Variants in SVOP observed in about 807,000 individuals in gnomAD.
SVOP encodes SV2 related protein, also known as synaptic vesicle 2-related protein.
Under a neutral mutation model 69.1 loss-of-function variants are expected in SVOP, and 17 were observed. That is an observed-to-expected ratio of 0.25 (90% confidence interval 0.17 to 0.37). The LOEUF (loss-of-function observed/expected upper bound fraction) is 0.37, where lower values mean the gene tolerates loss of function less well. Ranked by LOEUF, SVOP falls within the 10% of genes least tolerant of loss-of-function variation. The pLI is 1.00. For synonymous variants in SVOP, 238 were observed against 238.6 expected (o/e 1.00, Z 0.02); for missense variants, 435 against 597.5 (o/e 0.73, Z 2.84).
chr12:108,956,423 G>A (rs535437092), intron 6 of SVOP, among the ~76,000 whole-genome samples: 3 of 152,108 alleles, frequency 2.0e-5, no homozygotes, highest in South Asian at 4.2e-4. Context: ...GGGGGTGGGC[G>A]CTCTAGCAGG....
chr12:108,948,699 G>GT (rs1383732925), intron 6 of SVOP, among the ~76,000 whole-genome samples: 1 of 152,144 alleles, frequency 6.6e-6, no homozygotes, highest in Non-Finnish European at 1.5e-5. Flanking sequence ...GGGTATGCCT[G>GT]TTTTTATGAT....
chr12:108,981,192 G>A (rs2040133535), intron 2 of SVOP, among the ~76,000 whole-genome samples: 1 of 152,196 alleles, frequency 6.6e-6, no homozygotes, highest in Non-Finnish European at 1.5e-5. Flanking sequence ...GCAAGGCACT[G>A]TGCCGAAAGC....
At chr12:108,913,057 C>CT (rs980596885) in intron 15 of SVOP, among the ~76,000 whole-genome samples, 61 of 150,738 alleles carry the variant, frequency 4.0e-4, no homozygotes, top group Admixed American at 2.2e-3. Flanking sequence ...CTCAAGTATT[C>CT]TTTTTTTTGT....
chr12:108,939,048 T>C (rs1020580191), intron 8 of SVOP, 93 bp from the exon 9 acceptor site: 146 of 1,566,840 alleles, frequency 9.3e-5, no homozygotes, highest in Middle Eastern at 2.0e-4. Context: ...GTGGGGTCTT[T>C]AAGAGTGGGG....
chr12:108,922,298 G>A (rs1171993316), intron 12 of SVOP, among the ~76,000 whole-genome samples: 1 of 152,168 alleles, frequency 6.6e-6, no homozygotes, highest in Admixed American at 6.6e-5. Context: ...CTAAGCTTGG[G>A]GTTCCCCAGC....
At position 108,938,841 on chromosome 12, in the gene SVOP, T is replaced by A; in HGVS notation, c.883A>T (p.Ile295Phe). ...CAGGCACTGACCTGTCTGGAGATGA[T>A]GAGTTTCCCCAGCGGCATGGGAGCT... Reference protein sequence around the residue: ...NGAPMPLGKLIISRQEDRGKM... With the variant: ...NGAPMPLGKLFISRQEDRGKM... The change falls in exon 9 of 16, where the codon ATC becomes TTC. Residue 295 changes from isoleucine (I) to phenylalanine (F), a missense_variant. Ile to Phe is a conservative substitution (Grantham distance 21, BLOSUM62 0). Coordinates refer to ENST00000610966, the MANE Select transcript of SVOP (RefSeq NM_018711.5). 1.2e-6 allele frequency: 2 copies of A among 1,613,880 alleles called. No individual in the cohort carries two copies. Among genetic ancestry groups the A allele is most frequent in the African/African-American group, 1.3e-5 (1 of 75,050 alleles).
intron 1 of SVOP, among the ~76,000 whole-genome samples, 200 bp downstream of exon 1, chr12:109,020,634 A>T (rs950329375): frequency 2.0e-5 from 3 of 151,960 alleles, no homozygotes; most frequent in African/African-American, 7.3e-5. Context: ...TGATAAATGG[A>T]ACTGAGTCAG....
At chr12:108,951,305 C>A (rs1326384767) in intron 6 of SVOP, among the ~76,000 whole-genome samples, 3 of 152,182 alleles carry the variant, frequency 2.0e-5, no homozygotes, top group Non-Finnish European at 4.4e-5. Flanking sequence ...TGGTGTTTGG[C>A]TGCGGTGCAT....
intron 15 of SVOP, among the ~76,000 whole-genome samples, chr12:108,913,380 C>T (rs1409258621): frequency 6.6e-6 from 1 of 152,156 alleles, no homozygotes; most frequent in East Asian, 1.9e-4. Context: ...TTGAAATCAA[C>T]ACAAAACGGA....
rs1170123446 is a variant in SVOP, at chr12:108,907,958, G to A, written c.*4577C>T. The A allele has an allele frequency of 6.6e-6, 1 of 152,268 alleles. No homozygotes were observed. The highest frequency in any genetic ancestry group is 1.5e-5 in the Non-Finnish European group (1 of 68,072). The allele number at this position is 152,268 out of a possible 1,614,324, so 9.4% of individuals were successfully genotyped here. On this transcript the variant is annotated 3_prime_UTR_variant, in exon 16 of 16. Transcript: ENST00000610966. ...GTCTGCACCACCCTGCTAAAGGGCA[G>A]GCCAATGCCACCGTGTCTGTACCTC... is the stretch of plus-strand genomic sequence containing the variant.
chr12:109,015,569 T>G (rs959995513), intron 1 of SVOP, among the ~76,000 whole-genome samples: 3 of 152,066 alleles, frequency 2.0e-5, no homozygotes, highest in Non-Finnish European at 2.9e-5. Flanking sequence ...CCCAGCATTT[T>G]GCGGGGCCAA....
intron 1 of SVOP, among the ~76,000 whole-genome samples, chr12:109,016,856 C>G (rs1399317635): frequency 6.6e-6 from 1 of 151,882 alleles, no homozygotes; most frequent in Non-Finnish European, 1.5e-5. Flanking sequence ...AATCCTCCTG[C>G]CTCAGCCTCC....
chr12:108,959,645 C>T (rs573084521), intron 6 of SVOP, among the ~76,000 whole-genome samples: 3 of 152,140 alleles, frequency 2.0e-5, no homozygotes, highest in Admixed American at 6.5e-5. Context: ...TGAGCCACCG[C>T]GCCTGGCCAG....
At chr12:109,004,234 TATATAGC>T (rs2040291279) in intron 1 of SVOP, among the ~76,000 whole-genome samples, 1 of 152,122 alleles carries the variant, frequency 6.6e-6, no homozygotes, top group Non-Finnish European at 1.5e-5. Context: ...TATATGTATA[TATATAGC>T]ATATAATTTA....
intron 15 of SVOP, among the ~76,000 whole-genome samples, chr12:108,913,570 T>C (rs2039698068): frequency 6.6e-6 from 1 of 152,196 alleles, no homozygotes; most frequent in Non-Finnish European, 1.5e-5. Flanking sequence ...CTTATAACTC[T>C]TCTCTCCTCT....
chr12:108,912,192 G>T lies in SVOP; in HGVS notation c.*343C>A. On this transcript the variant is annotated 3_prime_UTR_variant, in exon 16 of 16. Coordinates refer to ENST00000610966, the MANE Select transcript of SVOP (RefSeq NM_018711.5). Reference sequence around the variant, plus strand: ...ACGGTATCTACAGAGAGATATTTTGGTTGTTCACTGAGGGTTTGGCCGGGT... The same window carrying T: ...ACGGTATCTACAGAGAGATATTTTGTTTGTTCACTGAGGGTTTGGCCGGGT... 2.6e-6 allele frequency: 3 copies of T among 1,161,774 alleles called. No individual in the cohort carries two copies. The highest frequency in any genetic ancestry group is 3.2e-6 in the Non-Finnish European group (3 of 937,474). 72.0% of individuals were successfully genotyped at this position (1,161,774 alleles called of 1,614,324 possible). A position where few individuals can be genotyped will look rare whatever the true frequency, so the allele number is the denominator to read the frequency against.
At chr12:109,004,856 T>TC (rs1365429319) in intron 1 of SVOP, among the ~76,000 whole-genome samples, 3 of 151,824 alleles carry the variant, frequency 2.0e-5, no homozygotes, top group African/African-American at 7.2e-5. Context: ...TCCTGCCTCA[T>TC]CCCCCCGAGT....
intron 6 of SVOP, among the ~76,000 whole-genome samples, chr12:108,950,000 CTG>C (rs2039945458): frequency 6.6e-6 from 1 of 152,162 alleles, no homozygotes; most frequent in South Asian, 2.1e-4. Context: ...TCTTAAATTT[CTG>C]TGTTAGGTTC....
chr12:109,018,752 G>A (rs1277486844), intron 1 of SVOP, among the ~76,000 whole-genome samples: 1 of 152,086 alleles, frequency 6.6e-6, no homozygotes. Context: ...AAGATTTTGA[G>A]GGAGTCCAGT....
Sources: allele counts gnomAD v4.1 joint callset (sites outside exome capture counted in the v4.1 genomes callset), GRCh38; gene constraint gnomAD v4.1.1; transcripts MANE v1.5; gene names NCBI Gene and HGNC (gene_info 2026-07-23, HGNC 2026-07-21).